CEP112: variants seen among roughly 807,000 people sequenced by gnomAD.
CEP112 encodes the protein centrosomal protein of 112 kDa.
A neutral mutation model predicts 153.0 loss-of-function variants in CEP112; 127 were observed. The ratio of observed to expected loss-of-function variants is 0.83; its 90% confidence interval spans 0.72 to 0.96. CEP112 has a LOEUF of 0.96. Ranked by LOEUF, CEP112 falls within the 40% of genes least tolerant of loss-of-function variation. The pLI is 0.00. For missense variants in CEP112, 1,089 were observed against 1,101.2 expected (o/e 0.99, Z 0.16); for synonymous variants, 358 against 374.4 (o/e 0.96, Z 0.51).
At chr17:65,903,644 G>A (rs560184287) in intron 19 of CEP112, among the ~76,000 whole-genome samples, 3 of 152,146 alleles carry the variant, frequency 2.0e-5, no homozygotes, top group African/African-American at 7.2e-5. Context: ...ACCAAAACCT[G>A]GCAGAGACAC....
At chr17:65,660,460 CTCCT>C (rs143750694) in intron 24 of CEP112, among the ~76,000 whole-genome samples, 8,488 of 78,102 alleles carry the variant, frequency 0.11, 566 homozygotes, top group Non-Finnish European at 0.14. Context: ...TCTTCTCTCT[CTCCT>C]TCCTTCCTTC....
intron 17 of CEP112, among the ~76,000 whole-genome samples, chr17:65,994,721 G>A (rs1038714341): frequency 6.6e-6 from 1 of 152,146 alleles, no homozygotes; most frequent in Non-Finnish European, 1.5e-5. Flanking sequence ...AACACACGGA[G>A]AGCCAAACAT....
At position 65,660,864 on chromosome 17, in the gene CEP112, G is replaced by C. The variant is rs528346847; in HGVS notation, c.2698-19799C>G. On this transcript the variant is annotated intron_variant, in intron 24 of 26. Transcript: ENST00000535342. Reference sequence around the variant, plus strand: ...TACCTTGATTTCTGTTACAGGAAGAGAAACCTAATGTCACCATCCTGCTTC... The same window carrying C: ...TACCTTGATTTCTGTTACAGGAAGACAAACCTAATGTCACCATCCTGCTTC... 4.6e-5 allele frequency among the ~76,000 whole-genome samples: 7 copies of C among 152,208 alleles called. No homozygotes were observed. The South Asian group carries it at 1.5e-3, about 32-fold the overall frequency.
At position 65,928,643 on chromosome 17, in the gene CEP112, G is replaced by A. The variant is rs564031273; in HGVS notation, c.1873-954C>T. ...TCTGGGAGGCTGAGGCAGGAGGATC[G>A]CTTGAGCCCAGGAGTCGGAGACCAG... is the stretch of plus-strand genomic sequence containing the variant. On this transcript the variant is annotated intron_variant, in intron 18 of 26. Transcript: ENST00000535342. 1.1e-4 allele frequency among the ~76,000 whole-genome samples: 17 copies of A among 152,208 alleles called. No homozygotes were observed. The South Asian group carries it at 2.5e-3, about 22-fold the overall frequency.
chr17:66,074,874 A>AAAAG (rs2067434031), intron 8 of CEP112, among the ~76,000 whole-genome samples: 1 of 126,508 alleles, frequency 7.9e-6, no homozygotes, highest in African/African-American at 2.9e-5. Flanking sequence ...AAAAAAAAAG[A>AAAAG]AAAAAAAAAA....
chr17:66,000,492 T>TAC (rs372546649), intron 17 of CEP112, among the ~76,000 whole-genome samples: 1 of 139,844 alleles, frequency 7.2e-6, no homozygotes, highest in Admixed American at 7.3e-5. Context: ...GTCAGTAGAT[T>TAC]AAAAAAAAAA....
chr17:65,942,632 C>T (rs571991611), intron 18 of CEP112, among the ~76,000 whole-genome samples: 10 of 152,216 alleles, frequency 6.6e-5, no homozygotes, highest in East Asian at 5.8e-4. Context: ...AAGTTCCTGC[C>T]GATAGCAAAT....
At chr17:65,699,049 C>T (rs1314727481) in intron 23 of CEP112, among the ~76,000 whole-genome samples, 1 of 152,186 alleles carries the variant, frequency 6.6e-6, no homozygotes, top group Non-Finnish European at 1.5e-5. Flanking sequence ...TCATTTCTTC[C>T]ATGAAATATT....
intron 20 of CEP112, among the ~76,000 whole-genome samples, chr17:65,867,706 A>T (rs759540658): frequency 2.0e-5 from 3 of 152,140 alleles, no homozygotes; most frequent in Non-Finnish European, 4.4e-5. Flanking sequence ...CTAAATAATA[A>T]GGAGTTTATT....
chr17:65,936,438 T>C (rs945757650), intron 18 of CEP112, among the ~76,000 whole-genome samples: 2 of 152,116 alleles, frequency 1.3e-5, no homozygotes, highest in Non-Finnish European at 2.9e-5. Context: ...AATGTTACCC[T>C]GATACCAAAA....
intron 4 of CEP112, among the ~76,000 whole-genome samples, chr17:66,156,168 C>G (rs565379286): frequency 6.6e-6 from 1 of 152,244 alleles, no homozygotes; most frequent in African/African-American, 2.4e-5. Flanking sequence ...CCCTCTGGGA[C>G]AAAGCTTCCA....
In CEP112 at chr17:66,094,043, T is replaced by C. The variant is rs539730240; in HGVS notation, c.768+2208A>G. ...CCCATACATTTAGTGTCAACTGATT[T>C]TCATTATTATTATTTTTATTTATTT... On this transcript the variant is annotated intron_variant, in intron 8 of 26. Transcript: ENST00000535342. Among the ~76,000 whole-genome samples the C allele has an allele frequency of 3.3e-5, 5 of 152,090 alleles. No individual in the cohort carries two copies. The East Asian group carries it at 9.7e-4, about 29-fold the overall frequency.
At chr17:66,095,685 T>C (rs1471365323) in intron 8 of CEP112, among the ~76,000 whole-genome samples, 2 of 152,216 alleles carry the variant, frequency 1.3e-5, no homozygotes, top group Non-Finnish European at 2.9e-5. Context: ...CAAAAAATAA[T>C]GATAAGTCTG....
chr17:66,181,602 G>A (rs1471630808), intron 2 of CEP112, among the ~76,000 whole-genome samples: 6 of 152,002 alleles, frequency 3.9e-5, no homozygotes, highest in African/African-American at 7.3e-5. Flanking sequence ...TGATCCACCC[G>A]CCTCAGCCTC....
chr17:65,956,316 G>A (rs181536570), intron 18 of CEP112, among the ~76,000 whole-genome samples: 1 of 151,792 alleles, frequency 6.6e-6, no homozygotes, highest in Non-Finnish European at 1.5e-5. Context: ...GTTTATAGCA[G>A]CACAATTTGT....
At position 65,659,015 on chromosome 17, in the gene CEP112, C is replaced by CAAAAAAAA. The variant is rs777326885; in HGVS notation, c.2698-17958_2698-17951dup. Among the ~76,000 whole-genome samples, 82 of 55,576 alleles carry CAAAAAAAA rather than the reference C, an allele frequency of 1.5e-3. 10 individuals are homozygous for CAAAAAAAA. The highest frequency in any genetic ancestry group is 4.4e-3 in the African/African-American group (75 of 17,226). 36.5% of individuals were successfully genotyped at this position (55,576 alleles called of 152,430 possible). A position where few individuals can be genotyped will look rare whatever the true frequency, so the allele number is the denominator to read the frequency against. On this transcript the variant is annotated intron_variant, in intron 24 of 26. Coordinates refer to ENST00000535342, the MANE Select transcript of CEP112 (RefSeq NM_001199165.4). ...TGGGTGACAGAGCGAGACTCTGTCT[C>CAAAAAAAA]AAAAAAAAAAAAAAAAAAAAAAAAA...
intron 21 of CEP112, among the ~76,000 whole-genome samples, chr17:65,765,568 A>G (rs868430277): frequency 3.9e-5 from 6 of 152,102 alleles, no homozygotes; most frequent in Admixed American, 1.3e-4. Context: ...CTTGCAAGCC[A>G]TGTTAGACCC....
chr17:65,826,303 C>T (rs755946515), intron 21 of CEP112: 6 of 1,613,936 alleles, frequency 3.7e-6, no homozygotes, highest in Admixed American at 3.3e-5. Flanking sequence ...CCCACATCTT[C>T]GTTGACCCCC....
intron 21 of CEP112, among the ~76,000 whole-genome samples, chr17:65,837,893 A>G (rs868334236): frequency 1.3e-5 from 2 of 152,094 alleles, no homozygotes; most frequent in South Asian, 2.1e-4. Context: ...AAGGCAGCAT[A>G]CTCGTTAAGA....
Sources: allele counts gnomAD v4.1 joint callset (sites outside exome capture counted in the v4.1 genomes callset), GRCh38; gene constraint gnomAD v4.1.1; transcripts MANE v1.5; gene names NCBI Gene and HGNC (gene_info 2026-07-23, HGNC 2026-07-21).